HDAC9: variants seen among roughly 807,000 people sequenced by gnomAD.
HDAC9 encodes the protein MEF-2 interacting transcription repressor (MITR) protein.
Under a neutral mutation model 139.4 loss-of-function variants are expected in HDAC9, and 41 were observed. The ratio of observed to expected loss-of-function variants is 0.29; its 90% CI spans 0.23 to 0.38. The LOEUF is 0.38. HDAC9 is among the 10% of genes least tolerant of loss of function. The probability of loss-of-function intolerance (pLI) is 1.00; values close to 1 mark genes in which losing one functional copy is unlikely to be tolerated. For missense variants in HDAC9, 1,147 were observed against 1,297.0 expected (o/e 0.88, Z 1.78); for synonymous variants, 517 against 476.2 (o/e 1.09, Z -1.12).
At chr7:18,902,801 A>G (rs1801850783) in intron 22 of HDAC9, among the ~76,000 whole-genome samples, 1 of 152,252 alleles carries the variant, frequency 6.6e-6, no homozygotes, top group Non-Finnish European at 1.5e-5. Flanking sequence ...GTTTGGAAAA[A>G]GAAATTTCAC....
At chr7:18,907,342 T>C (rs1175497858) in intron 22 of HDAC9, among the ~76,000 whole-genome samples, 1 of 152,192 alleles carries the variant, frequency 6.6e-6, no homozygotes, top group African/African-American at 2.4e-5. Context: ...TTAAACACAT[T>C]TGTCACTAGA....
chr7:18,602,557 A>G (rs990702602), intron 6 of HDAC9, among the ~76,000 whole-genome samples: 5 of 150,114 alleles, frequency 3.3e-5, no homozygotes, highest in African/African-American at 1.2e-4. Flanking sequence ...TTCAATTTTT[A>G]TCTTTTCTTC....
rs34096894 is a variant in HDAC9, at chr7:18,591,563, C to T, written c.463C>T (p.Leu155=). 16,373 of 1,612,396 alleles carry T rather than the reference C, an allele frequency of 0.01. 801 individuals are homozygous for T. In the African/African-American group the frequency reaches 0.14, roughly 14 times the overall value. Residue 155 remains leucine (L), a synonymous_variant, in exon 5 of 26, where the codon CTG becomes TTG. Transcript: ENST00000686413. ...AAAGCAGAAGCTTCAAGAGTTCCTA[C>T]TGAGTAAATCAGCAACGAAAGACAC... ...EVKQKLQEFL[L]SKSATKDTPT... is the part of the protein sequence containing the mutation.
intron 12 of HDAC9, among the ~76,000 whole-genome samples, chr7:18,719,598 C>T (rs1398691426): frequency 2.0e-5 from 3 of 152,102 alleles, no homozygotes; most frequent in Admixed American, 1.3e-4. Flanking sequence ...CCTTGGTCTC[C>T]CAAAGTGCTG....
At chr7:18,693,081 AAAAAT>A (rs1381238484) in intron 12 of HDAC9, among the ~76,000 whole-genome samples, 1 of 151,988 alleles carries the variant, frequency 6.6e-6, no homozygotes, top group South Asian at 2.1e-4. Context: ...TGTATTAATT[AAAAAT>A]AAAATAAAAC....
chr7:18,515,026 T>G (rs1473773475), intron 2 of HDAC9, among the ~76,000 whole-genome samples: 1 of 152,212 alleles, frequency 6.6e-6, no homozygotes, highest in Non-Finnish European at 1.5e-5. Context: ...TACATAGTCC[T>G]TAGGAATTTT....
chr7:18,372,279 A>G (rs962979695), intron 1 of HDAC9, among the ~76,000 whole-genome samples: 3 of 152,204 alleles, frequency 2.0e-5, no homozygotes, highest in Admixed American at 6.5e-5. Flanking sequence ...AATGAAATAC[A>G]TGGACACTCA....
intron 1 of HDAC9, among the ~76,000 whole-genome samples, chr7:18,307,687 C>T (rs755310459): frequency 1.8e-4 from 28 of 152,104 alleles, no homozygotes; most frequent in Admixed American, 5.9e-4. Context: ...CATGTAGCCC[C>T]AGCTACTCGG....
At chr7:18,175,772 C>A (rs976715453) in intron 2 of HDAC9, among the ~76,000 whole-genome samples, 3 of 134,378 alleles carry the variant, frequency 2.2e-5, no homozygotes, top group African/African-American at 8.3e-5. Context: ...TTTTTAACCC[C>A]CCCCCCCCTT....
At chr7:18,461,563 T>C (rs1461517817) in intron 1 of HDAC9, among the ~76,000 whole-genome samples, 1 of 152,176 alleles carries the variant, frequency 6.6e-6, no homozygotes, top group African/African-American at 2.4e-5. Flanking sequence ...ATACAATTTC[T>C]TTTTTATTAT....
At chr7:18,125,972 T>C (rs1420163656) in intron 1 of HDAC9, among the ~76,000 whole-genome samples, 1 of 152,192 alleles carries the variant, frequency 6.6e-6, no homozygotes, top group Non-Finnish European at 1.5e-5. Flanking sequence ...ATTTGTTTAT[T>C]TGTTGGTCTA....
At chr7:18,829,641 C>G in intron 19 of HDAC9, 93 bp downstream of exon 19, 1 of 774,520 alleles carries the variant, frequency 1.3e-6, no homozygotes, top group East Asian at 2.5e-5. Flanking sequence ...GCTTTTAGCA[C>G]TTGCAAACAA....
intron 2 of HDAC9, among the ~76,000 whole-genome samples, chr7:18,278,554 C>T (rs1796894697): frequency 1.3e-5 from 2 of 152,102 alleles, no homozygotes; most frequent in Non-Finnish European, 2.9e-5. Flanking sequence ...TTCCCTAGAA[C>T]TTCTGTGGTC....
At chr7:18,190,709 T>G (rs931956887) in intron 2 of HDAC9, among the ~76,000 whole-genome samples, 1 of 152,224 alleles carries the variant, frequency 6.6e-6, no homozygotes, top group African/African-American at 2.4e-5. Flanking sequence ...GTTGCTTTTC[T>G]CTTTTTATTT....
At chr7:18,254,797 A>C (rs1467843844) in intron 2 of HDAC9, among the ~76,000 whole-genome samples, 2 of 152,182 alleles carry the variant, frequency 1.3e-5, no homozygotes, top group Non-Finnish European at 2.9e-5. Flanking sequence ...ATGATTTTTT[A>C]AGTGCTTTAT....
At chr7:18,472,129 T>G (rs2128120807) in intron 1 of HDAC9, among the ~76,000 whole-genome samples, 1 of 152,350 alleles carries the variant, frequency 6.6e-6, no homozygotes, top group South Asian at 2.1e-4. Flanking sequence ...TGCCTTTAGC[T>G]GGAAGATTTG....
chr7:18,806,692 A>G (rs1443762770), intron 17 of HDAC9, among the ~76,000 whole-genome samples: 1 of 152,168 alleles, frequency 6.6e-6, no homozygotes, highest in Non-Finnish European at 1.5e-5. Context: ...TCAGGAAAGG[A>G]TGCTGAATTT....
intron 2 of HDAC9, among the ~76,000 whole-genome samples, chr7:18,559,818 A>G (rs1208612639): frequency 6.6e-6 from 1 of 152,186 alleles, no homozygotes; most frequent in African/African-American, 2.4e-5. Flanking sequence ...TTTAATCCTC[A>G]AATATTATAT....
At chr7:18,828,806 C>A (rs1425813230) in intron 17 of HDAC9, among the ~76,000 whole-genome samples, 1 of 152,162 alleles carries the variant, frequency 6.6e-6, no homozygotes, top group Non-Finnish European at 1.5e-5. Context: ...GAGTGAATTT[C>A]TTCTCCCTCT....
Sources: allele counts gnomAD v4.1 joint callset (sites outside exome capture counted in the v4.1 genomes callset), GRCh38; gene constraint gnomAD v4.1.1; transcripts MANE v1.5; gene names NCBI Gene and HGNC (gene_info 2026-07-23, HGNC 2026-07-21).